MEI4: variants seen among roughly 807,000 people sequenced by gnomAD.
MEI4 encodes the protein meiotic double-stranded break formation protein 4.
MEI4 carries 27 observed loss-of-function variants against 31.4 expected under a neutral mutation model. The observed-to-expected ratio is 0.86, with a 90% CI of 0.63 to 1.19. The LOEUF (loss-of-function observed/expected upper bound fraction) is 1.19. Among genes scored for constraint, MEI4 ranks in the 50% most tolerant of loss-of-function variants. MEI4 has a pLI of 0.00. For synonymous variants in MEI4, 122 were observed against 145.4 expected, an observed-to-expected ratio of 0.84 and a Z score of 1.16; for missense variants, 329 against 398.9, an observed-to-expected ratio of 0.82 and a Z score of 1.49.
chr6:77,658,506 G>T (rs1047034760), intron 1 of MEI4, among the ~76,000 whole-genome samples: 4 of 152,094 alleles, frequency 2.6e-5, no homozygotes, highest in Admixed American at 2.6e-4. Flanking sequence ...TAGTGTTGAA[G>T]TGTTGGGGCG....
intron 3 of MEI4, among the ~76,000 whole-genome samples, chr6:77,826,714 A>G (rs9343673): frequency 0.14 from 20,950 of 152,088 alleles, 1,533 homozygotes; most frequent in Middle Eastern, 0.21. Flanking sequence ...TGCAGAATCC[A>G]GGGCTCTACC....
intron 1 of MEI4, among the ~76,000 whole-genome samples, chr6:77,676,761 T>C (rs995678375): frequency 1.3e-5 from 2 of 152,188 alleles, no homozygotes; most frequent in African/African-American, 4.8e-5. Flanking sequence ...CTTTCTTTAT[T>C]CTTTTATCAG....
chr6:77,919,746 C>T (rs369970142), intron 4 of MEI4, among the ~76,000 whole-genome samples: 1 of 149,358 alleles, frequency 6.7e-6, no homozygotes, highest in Non-Finnish European at 1.5e-5. Context: ...ATTGATAGAC[C>T]TCTAGCAAGA....
intron 2 of MEI4, among the ~76,000 whole-genome samples, chr6:77,743,558 C>A (rs1743497047): frequency 6.6e-6 from 1 of 152,152 alleles, no homozygotes; most frequent in Non-Finnish European, 1.5e-5. Flanking sequence ...ACAGTCATGT[C>A]ATCTGCAAAC....
At chr6:77,922,039 C>G (rs7769405) in intron 4 of MEI4, among the ~76,000 whole-genome samples, 366 of 151,712 alleles carry the variant, frequency 2.4e-3, no homozygotes, top group African/African-American at 8.6e-3. Context: ...TGCCACAAAC[C>G]TTCAATTTGA....
At chr6:77,874,497 G>C (rs1246152119) in intron 4 of MEI4, among the ~76,000 whole-genome samples, 1 of 152,184 alleles carries the variant, frequency 6.6e-6, no homozygotes, top group Non-Finnish European at 1.5e-5. Context: ...AGCTTAAGGA[G>C]ATTTTGGGCT....
At chr6:77,837,870 C>T (rs9343674) in intron 4 of MEI4, among the ~76,000 whole-genome samples, 125,600 of 152,112 alleles carry the variant, frequency 0.83, 52,372 homozygotes, top group East Asian at 0.95. Flanking sequence ...GCTTATTATC[C>T]TTTATAACTA....
chr6:77,829,457 T>C (rs539756453), intron 4 of MEI4, among the ~76,000 whole-genome samples: 1 of 152,198 alleles, frequency 6.6e-6, no homozygotes, highest in East Asian at 1.9e-4. Context: ...CTCATGAAAA[T>C]CATCTGGCTA....
intron 4 of MEI4, among the ~76,000 whole-genome samples, chr6:77,856,855 T>G (rs574563660): frequency 1.3e-5 from 2 of 150,634 alleles, no homozygotes; most frequent in Non-Finnish European, 3.0e-5. Context: ...AAGGCACACC[T>G]CTTTACATTT....
At chr6:77,873,904 C>T (rs1350889639) in intron 4 of MEI4, among the ~76,000 whole-genome samples, 1 of 152,176 alleles carries the variant, frequency 6.6e-6, no homozygotes, top group Non-Finnish European at 1.5e-5. Context: ...TGTCAAAGAT[C>T]AGATAGTTGT....
At chr6:77,698,740 T>C (rs1011968743) in intron 2 of MEI4, among the ~76,000 whole-genome samples, 2 of 152,186 alleles carry the variant, frequency 1.3e-5, no homozygotes, top group African/African-American at 4.8e-5. Context: ...CTGACAATTA[T>C]GTGTCTTGGA....
At chr6:77,773,559 C>T (rs973336949) in intron 3 of MEI4, among the ~76,000 whole-genome samples, 12 of 151,878 alleles carry the variant, frequency 7.9e-5, no homozygotes, top group African/African-American at 2.7e-4. Flanking sequence ...ATTAAAATCT[C>T]AAACTATGAA....
intron 2 of MEI4, among the ~76,000 whole-genome samples, chr6:77,752,439 A>C (rs1166777359): frequency 6.6e-6 from 1 of 152,216 alleles, no homozygotes; most frequent in Non-Finnish European, 1.5e-5. Flanking sequence ...TCAATGTGCA[A>C]AAATCACAAG....
intron 4 of MEI4, among the ~76,000 whole-genome samples, chr6:77,849,185 C>T (rs1357618603): frequency 6.6e-6 from 1 of 151,894 alleles, no homozygotes; most frequent in Admixed American, 6.6e-5. Context: ...GTTGAATAAA[C>T]AGCTATGTAT....
chr6:77,772,000 A>T (rs1033357884), intron 3 of MEI4, among the ~76,000 whole-genome samples: 1 of 151,988 alleles, frequency 6.6e-6, no homozygotes, highest in Non-Finnish European at 1.5e-5. Flanking sequence ...TTATTATTTT[A>T]TACATCATTC....
At chr6:77,883,817 G>A (rs1302252357) in intron 4 of MEI4, among the ~76,000 whole-genome samples, 4 of 146,350 alleles carry the variant, frequency 2.7e-5, no homozygotes, top group African/African-American at 1.0e-4. Context: ...GGTGAATAGT[G>A]CTACAGTGAA....
intron 4 of MEI4, among the ~76,000 whole-genome samples, chr6:77,865,917 G>A (rs1409245352): frequency 6.6e-6 from 1 of 151,860 alleles, no homozygotes; most frequent in Admixed American, 6.6e-5. Context: ...ATGCAAGGCT[G>A]GTTCAACATA....
intron 2 of MEI4, among the ~76,000 whole-genome samples, chr6:77,715,093 G>C (rs1766549515): frequency 6.6e-6 from 1 of 152,244 alleles, no homozygotes; most frequent in Admixed American, 6.5e-5. Context: ...ACAGAATACA[G>C]TATGAGTTGT....
intron 1 of MEI4, among the ~76,000 whole-genome samples, chr6:77,682,315 T>A (rs964633316): frequency 6.6e-6 from 1 of 152,230 alleles, no homozygotes; most frequent in Non-Finnish European, 1.5e-5. Context: ...TCACATAAGA[T>A]AAAATCTGGT....
Sources: allele counts gnomAD v4.1 joint callset (sites outside exome capture counted in the v4.1 genomes callset), GRCh38; gene constraint gnomAD v4.1.1; transcripts MANE v1.5; gene names NCBI Gene and HGNC (gene_info 2026-07-23, HGNC 2026-07-21).